The following CNTNAP5 variants were observed in gnomAD, a reference collection of about 807,000 sequenced individuals.
CNTNAP5 encodes contactin associated protein family member 5.
CNTNAP5 carries 72 observed loss-of-function variants against 150.2 expected under a neutral mutation model. That is an observed-to-expected ratio of 0.48 (90% CI 0.40 to 0.58). The LOEUF (loss-of-function observed/expected upper bound fraction) is 0.58. CNTNAP5 is among the 20% of genes least tolerant of loss of function. The probability of loss-of-function intolerance (pLI) is 0.00; values close to 1 mark genes in which losing one functional copy is unlikely to be tolerated. For missense variants in CNTNAP5, 1,636 were observed against 1,626.2 expected (o/e 1.01, Z -0.10); for synonymous variants, 672 against 619.8 (o/e 1.08, Z -1.25).
chr2:124,208,210 G>A (rs1027774550), intron 1 of CNTNAP5, among the ~76,000 whole-genome samples: 5 of 152,120 alleles, frequency 3.3e-5, no homozygotes, highest in Non-Finnish European at 2.9e-5. Flanking sequence ...GGACCACAGA[G>A]CAATTGAAGG....
intron 3 of CNTNAP5, among the ~76,000 whole-genome samples, chr2:124,292,165 G>T (rs539596038): frequency 2.0e-5 from 3 of 151,982 alleles, no homozygotes; most frequent in African/African-American, 4.8e-5. Context: ...TTCCTTTAGG[G>T]TGCTTTATTT....
intron 3 of CNTNAP5, among the ~76,000 whole-genome samples, chr2:124,287,953 C>T (rs938239635): frequency 6.6e-6 from 1 of 152,074 alleles, no homozygotes; most frequent in African/African-American, 2.4e-5. Context: ...TGAGACAGGG[C>T]CTTGCTTGCT....
intron 19 of CNTNAP5, among the ~76,000 whole-genome samples, chr2:124,811,713 G>GA (rs1055501728): frequency 6.7e-6 from 1 of 149,884 alleles, no homozygotes; most frequent in Non-Finnish European, 1.5e-5. Flanking sequence ...AGGCGGGGGG[G>GA]GTGGATCACC....
intron 1 of CNTNAP5, among the ~76,000 whole-genome samples, chr2:124,046,598 T>G: frequency 6.6e-6 from 1 of 152,196 alleles, no homozygotes; most frequent in East Asian, 1.9e-4. Flanking sequence ...TTCCTTGAAA[T>G]GTCAGGTGCC....
chr2:124,626,362 C>T (rs1677722852), intron 12 of CNTNAP5, among the ~76,000 whole-genome samples: 1 of 152,108 alleles, frequency 6.6e-6, no homozygotes, highest in South Asian at 2.1e-4. Flanking sequence ...ACTGCATTTC[C>T]AACTGAGGTA....
intron 11 of CNTNAP5, among the ~76,000 whole-genome samples, chr2:124,582,827 T>C (rs532967905): frequency 6.6e-6 from 1 of 151,914 alleles, no homozygotes; most frequent in South Asian, 2.1e-4. Context: ...CTTGACACAA[T>C]TTTATAACAC....
chr2:124,282,443 C>T (rs1688036673), intron 3 of CNTNAP5, among the ~76,000 whole-genome samples: 1 of 152,086 alleles, frequency 6.6e-6, no homozygotes, highest in East Asian at 1.9e-4. Flanking sequence ...AATTTATGCC[C>T]TACATGCCAG....
chr2:124,072,560 A>G (rs938315418), intron 1 of CNTNAP5, among the ~76,000 whole-genome samples: 1 of 152,056 alleles, frequency 6.6e-6, no homozygotes, highest in Admixed American at 6.6e-5. Context: ...TACAAAAATC[A>G]GTAGCATTTC....
At chr2:124,237,242 T>A (rs191654584) in intron 2 of CNTNAP5, among the ~76,000 whole-genome samples, 5 of 152,368 alleles carry the variant, frequency 3.3e-5, no homozygotes, top group Admixed American at 3.3e-4. Context: ...CTCTCTTTTT[T>A]TGAAAGACGG....
intron 21 of CNTNAP5, among the ~76,000 whole-genome samples, chr2:124,875,516 G>T (rs1677835687): frequency 6.6e-6 from 1 of 151,974 alleles, no homozygotes; most frequent in Admixed American, 6.6e-5. Flanking sequence ...CCTGTTTATG[G>T]TTCCTTATTG....
At chr2:124,412,926 T>C (rs369876537) in intron 3 of CNTNAP5, among the ~76,000 whole-genome samples, 2 of 104,230 alleles carry the variant, frequency 1.9e-5, no homozygotes, top group African/African-American at 7.8e-5. Context: ...AAGAAACTAC[T>C]ATCAGAGTGA....
At chr2:124,286,524 T>C (rs1688155616) in intron 3 of CNTNAP5, among the ~76,000 whole-genome samples, 1 of 152,182 alleles carries the variant, frequency 6.6e-6, no homozygotes, top group Non-Finnish European at 1.5e-5. Context: ...TTACAACAAT[T>C]GTTTTAGAGC....
chr2:124,831,876 T>A (rs1682723704), intron 19 of CNTNAP5, among the ~76,000 whole-genome samples: 1 of 152,046 alleles, frequency 6.6e-6, no homozygotes, highest in Non-Finnish European at 1.5e-5. Flanking sequence ...AAGCTAGTCA[T>A]CATTTAAATT....
intron 1 of CNTNAP5, among the ~76,000 whole-genome samples, chr2:124,063,181 A>G (rs1682060043): frequency 6.6e-6 from 1 of 152,128 alleles, no homozygotes. Flanking sequence ...CAGCCAAATA[A>G]TGAGCTCATA....
At chr2:124,264,513 A>C (rs1261607233) in intron 3 of CNTNAP5, among the ~76,000 whole-genome samples, 1 of 152,076 alleles carries the variant, frequency 6.6e-6, no homozygotes, top group African/African-American at 2.4e-5. Flanking sequence ...CAACATAAAT[A>C]TGGTCAGCCT....
chr2:124,104,679 C>G (rs542115780), intron 1 of CNTNAP5, among the ~76,000 whole-genome samples: 1 of 152,278 alleles, frequency 6.6e-6, no homozygotes, highest in African/African-American at 2.4e-5. Flanking sequence ...CCACCCCACT[C>G]TGAACACTTG....
chr2:124,713,342 T>G lies in CNTNAP5; in HGVS notation c.2078-33887T>G, dbSNP rs542266892. Among the ~76,000 whole-genome samples, 22 of 127,094 alleles carry G rather than the reference T, an allele frequency of 1.7e-4. 2 individuals are homozygous for G. Among genetic ancestry groups the G allele is most frequent in the African/African-American group, 6.9e-4 (22 of 32,014 alleles). The allele number at this position is 127,094 out of a possible 152,430, so 83.4% of individuals were successfully genotyped here. A position where few individuals can be genotyped will look rare whatever the true frequency, so the allele number is the denominator to read the frequency against. On this transcript the variant is annotated intron_variant, in intron 13 of 23. Coordinates refer to ENST00000682447, the MANE Select transcript of CNTNAP5 (RefSeq NM_001367498.1). ...TCCTTTCTTTCTTTCTTTCTTTCTTTCTTTCTTTCTTTCTTTCTTTCTTTC... is the reference window on the plus strand; with the variant it reads ...TCCTTTCTTTCTTTCTTTCTTTCTTGCTTTCTTTCTTTCTTTCTTTCTTTC...
intron 8 of CNTNAP5, among the ~76,000 whole-genome samples, chr2:124,515,063 T>A (rs1295871221): frequency 1.3e-5 from 2 of 152,200 alleles, no homozygotes; most frequent in African/African-American, 2.4e-5. Context: ...AAGCCAGATG[T>A]TTTCCCTTTA....
At chr2:124,269,104 T>C (rs1450861267) in intron 3 of CNTNAP5, among the ~76,000 whole-genome samples, 1 of 152,066 alleles carries the variant, frequency 6.6e-6, no homozygotes, top group Non-Finnish European at 1.5e-5. Context: ...CACCTGGGCA[T>C]TGTGATTGAA....
Sources: allele counts gnomAD v4.1 joint callset (sites outside exome capture counted in the v4.1 genomes callset), GRCh38; gene constraint gnomAD v4.1.1; transcripts MANE v1.5; gene names NCBI Gene and HGNC (gene_info 2026-07-23, HGNC 2026-07-21).